Variants in ST6GALNAC5 observed in about 807,000 individuals in gnomAD.
ST6GALNAC5 encodes ST6 N-acetylgalactosaminide alpha-2,6-sialyltransferase 5, also known as alpha-N-acetylgalactosaminide alpha-2,6-sialyltransferase 5.
A neutral mutation model predicts 33.6 loss-of-function variants in ST6GALNAC5; 27 were observed. The ratio of observed to expected loss-of-function variants is 0.80; its 90% CI spans 0.59 to 1.11. The LOEUF is 1.11. Ranked by LOEUF, ST6GALNAC5 falls within the 50% of genes least tolerant of loss-of-function variation. ST6GALNAC5 has a pLI of 0.00. For synonymous variants in ST6GALNAC5, 194 were observed against 171.2 expected, an observed-to-expected ratio of 1.13 and a Z score of -1.04; for missense variants, 428 against 454.0, an observed-to-expected ratio of 0.94 and a Z score of 0.52.
intron 2 of ST6GALNAC5, among the ~76,000 whole-genome samples, chr1:77,022,147 T>G (rs1651076216): frequency 1.3e-5 from 2 of 152,188 alleles, no homozygotes; most frequent in African/African-American, 2.4e-5. Context: ...ATGAAAGCTT[T>G]CACTTGCCAT....
chr1:77,037,111 G>C (rs1651670752), intron 2 of ST6GALNAC5, among the ~76,000 whole-genome samples: 1 of 152,124 alleles, frequency 6.6e-6, no homozygotes, highest in Admixed American at 6.5e-5. Flanking sequence ...GGAGAGTTCT[G>C]TACAGGATGA....
chr1:76,964,923 C>A (rs1648396100), intron 2 of ST6GALNAC5, among the ~76,000 whole-genome samples: 1 of 152,142 alleles, frequency 6.6e-6, no homozygotes, highest in Non-Finnish European at 1.5e-5. Context: ...CATGTCCCTG[C>A]AAAGGACATG....
intron 2 of ST6GALNAC5, among the ~76,000 whole-genome samples, chr1:76,877,410 T>G (rs1455746380): frequency 3.3e-5 from 5 of 151,928 alleles, no homozygotes; most frequent in Non-Finnish European, 7.4e-5. Context: ...TCGGGTCACT[T>G]GATAAATGGG....
chr1:76,960,273 C>T lies in ST6GALNAC5; in HGVS notation c.262-83931C>T, dbSNP rs141963196. On this transcript the variant is annotated intron_variant, in intron 2 of 4. Coordinates refer to ENST00000477717, the MANE Select transcript of ST6GALNAC5 (RefSeq NM_030965.3). ...GGAGACATCACATGTCAGCAGGTTC[C>T]GTGATGCCCCCCGAGCCATAAAACC... is the stretch of plus-strand genomic sequence containing the variant. Among the ~76,000 whole-genome samples, 589 of 152,012 alleles carry T rather than the reference C, an allele frequency of 3.9e-3. 5 individuals are homozygous for T. Among genetic ancestry groups the T allele is most frequent in the African/African-American group, 0.014 (560 of 41,448 alleles).
chr1:77,025,734 C>T (rs1174259950), intron 2 of ST6GALNAC5, among the ~76,000 whole-genome samples: 2 of 152,154 alleles, frequency 1.3e-5, no homozygotes, highest in Non-Finnish European at 2.9e-5. Context: ...AGTGGGCTCA[C>T]AGCCTCGTCC....
intron 2 of ST6GALNAC5, among the ~76,000 whole-genome samples, chr1:76,939,161 C>G (rs2100322065): frequency 6.6e-6 from 1 of 152,130 alleles, no homozygotes. Context: ...CTCTGCTTGG[C>G]ATTAGCATTA....
In ST6GALNAC5 at chr1:76,868,829, G is replaced by A. The variant is rs946891340; in HGVS notation, c.261+87G>A. On this transcript the variant is annotated intron_variant, in intron 2 of 4. Transcript: ENST00000477717. This position sits in a 1 kb window ranked among gnomAD's most constrained non-coding sequence, Gnocchi z 4.3. ...TCCCCCTTTCCCGGGGCTGGGAGGC[G>A]CTGTGAGTAGGTGCCGTTCGAAGGC... 2.8e-6 allele frequency: 4 copies of A among 1,428,244 alleles called. No homozygotes were observed. Among genetic ancestry groups the A allele is most frequent in the African/African-American group, 1.5e-5 (1 of 68,204 alleles). The allele number at this position is 1,428,244 out of a possible 1,614,324, so 88.5% of individuals were successfully genotyped here. A position where few individuals can be genotyped will look rare whatever the true frequency, so the allele number is the denominator to read the frequency against.
At chr1:77,036,448 A>ATTCCCTC (rs1291698016) in intron 2 of ST6GALNAC5, among the ~76,000 whole-genome samples, 1 of 152,228 alleles carries the variant, frequency 6.6e-6, no homozygotes, top group Admixed American at 6.5e-5. Context: ...GTTAAAAATA[A>ATTCCCTC]TTTTACAAAT....
chr1:76,994,646 G>T (rs1426373975), intron 2 of ST6GALNAC5, among the ~76,000 whole-genome samples: 3 of 152,132 alleles, frequency 2.0e-5, no homozygotes, highest in African/African-American at 7.2e-5. Context: ...AGTGTCATTG[G>T]GTTGCTATTA....
intron 2 of ST6GALNAC5, among the ~76,000 whole-genome samples, chr1:76,981,914 A>G (rs950537241): frequency 6.6e-6 from 1 of 152,036 alleles, no homozygotes; most frequent in Non-Finnish European, 1.5e-5. Context: ...CCTGCAGCTG[A>G]GAGACCTGAC....
chr1:76,956,546 T>C (rs1462273227), intron 2 of ST6GALNAC5, among the ~76,000 whole-genome samples: 1 of 152,168 alleles, frequency 6.6e-6, no homozygotes, highest in African/African-American at 2.4e-5. Context: ...TTCCCTCCTG[T>C]GGGAAGCCTA....
intron 2 of ST6GALNAC5, among the ~76,000 whole-genome samples, chr1:76,973,336 C>G (rs563590629): frequency 6.6e-6 from 1 of 151,826 alleles, no homozygotes; most frequent in East Asian, 1.9e-4. Context: ...GGTGAGAGAC[C>G]CATGGAAGAG....
intron 2 of ST6GALNAC5, among the ~76,000 whole-genome samples, chr1:76,966,072 A>G (rs1648461703): frequency 6.6e-6 from 1 of 152,078 alleles, no homozygotes; most frequent in African/African-American, 2.4e-5. Context: ...TTTGCTTAGG[A>G]TTGTCTTGGC....
chr1:76,945,224 G>A (rs1647473280), intron 2 of ST6GALNAC5, among the ~76,000 whole-genome samples: 1 of 151,836 alleles, frequency 6.6e-6, no homozygotes, highest in Admixed American at 6.6e-5. Context: ...CACAATTATG[G>A]TTGCCAGTAA....
intron 2 of ST6GALNAC5, among the ~76,000 whole-genome samples, chr1:76,934,486 A>C (rs1161133467): frequency 1.3e-5 from 2 of 151,956 alleles, no homozygotes; most frequent in African/African-American, 4.8e-5. Flanking sequence ...TTACTATAAT[A>C]ATATTATCAC....
At chr1:76,899,831 G>T (rs1646798679) in intron 2 of ST6GALNAC5, among the ~76,000 whole-genome samples, 1 of 152,232 alleles carries the variant, frequency 6.6e-6, no homozygotes, top group Non-Finnish European at 1.5e-5. Context: ...CTGCTTATTG[G>T]ATTTAAAATT....
At chr1:76,923,751 C>G (rs1647057920) in intron 2 of ST6GALNAC5, among the ~76,000 whole-genome samples, 1 of 151,980 alleles carries the variant, frequency 6.6e-6, no homozygotes. Flanking sequence ...CGACACTAGT[C>G]CCACTGAGGT....
intron 2 of ST6GALNAC5, among the ~76,000 whole-genome samples, chr1:76,894,985 T>A (rs1654095054): frequency 6.6e-6 from 1 of 151,888 alleles, no homozygotes; most frequent in South Asian, 2.1e-4. Flanking sequence ...CAAAGGGGGG[T>A]TATTCTCTGG....
intron 2 of ST6GALNAC5, among the ~76,000 whole-genome samples, chr1:77,038,617 G>C (rs571310514): frequency 3.3e-5 from 5 of 152,198 alleles, no homozygotes; most frequent in Non-Finnish European, 7.3e-5. Context: ...GAGTGTTTTA[G>C]GTGTCAAGTT....
Sources: gnomAD v4.1 joint callset for allele counts (sites outside exome capture counted in the v4.1 genomes callset) on GRCh38, gnomAD v4.1.1 for gene constraint, Gnocchi (gnomAD v3.1) non-coding constraint, MANE v1.5 for transcripts, NCBI Gene and HGNC (gene_info 2026-07-23, HGNC 2026-07-21) for gene names.